Variants in AFG1L observed in about 807,000 individuals in gnomAD.
AFG1L encodes the protein AFG1-like ATPase.
Under a neutral mutation model 62.2 loss-of-function variants are expected in AFG1L, and 53 were observed. The observed-to-expected ratio is 0.85, with a 90% CI of 0.68 to 1.07. AFG1L has a LOEUF of 1.07. AFG1L is among the 50% of genes least tolerant of loss of function. AFG1L has a pLI of 0.00. For synonymous variants in AFG1L, 228 were observed against 210.3 expected, an observed-to-expected ratio of 1.08 and a Z score of -0.73; for missense variants, 555 against 590.5, an observed-to-expected ratio of 0.94 and a Z score of 0.62.
intron 6 of AFG1L, among the ~76,000 whole-genome samples, chr6:108,387,099 A>C (rs1417852461): frequency 6.6e-6 from 1 of 152,246 alleles, no homozygotes; most frequent in Non-Finnish European, 1.5e-5. Flanking sequence ...TTAAAAATAA[A>C]GACACAGATA....
intron 3 of AFG1L, among the ~76,000 whole-genome samples, chr6:108,349,798 T>A (rs561578183): frequency 2.0e-4 from 30 of 152,074 alleles, no homozygotes; most frequent in African/African-American, 6.8e-4. Context: ...GTGCCTGTGG[T>A]TCCAGCTACT....
Position 108,476,927 on chromosome 6 carries a change from A to G in AFG1L, c.953A>G (p.Gln318Arg), listed in dbSNP as rs1487724484. 9 of 1,613,332 alleles carry G rather than the reference A, an allele frequency of 5.6e-6. No individual in the cohort carries two copies. Among genetic ancestry groups the G allele is most frequent in the Non-Finnish European group, 8.5e-7 (1 of 1,179,382 alleles). Reference protein sequence around the residue: ...DKLFDELAQKQNDLTRPRILK... With the variant: ...DKLFDELAQKRNDLTRPRILK... ...TTGTTTGATGAGCTGGCTCAGAAAC[A>G]AAATGATTGTACGTAAGTTAATTTC... Residue 318 changes from glutamine (Q) to arginine (R), a missense_variant, in exon 9 of 13, where the codon CAA becomes CGA. By Grantham distance (43) the Gln-to-Arg change is conservative (BLOSUM62 1). Transcript: ENST00000368977.
At chr6:108,378,886 TC>T (rs1418876130) in intron 6 of AFG1L, among the ~76,000 whole-genome samples, 1 of 151,844 alleles carries the variant, frequency 6.6e-6, no homozygotes, top group Non-Finnish European at 1.5e-5. Context: ...TTCTTTCCTT[TC>T]CCTTTTCCCT....
At chr6:108,323,520 C>G (rs1377967842) in intron 1 of AFG1L, among the ~76,000 whole-genome samples, 1 of 152,052 alleles carries the variant, frequency 6.6e-6, no homozygotes, top group Non-Finnish European at 1.5e-5. Context: ...CACCACCATG[C>G]CCAGCTAATT....
chr6:108,522,096 A>G, intron 12 of AFG1L: 1 of 363,240 alleles, frequency 2.8e-6, no homozygotes, highest in Non-Finnish European at 5.0e-6. Flanking sequence ...TCTCTCTGAT[A>G]ATTTGATGTG....
At chr6:108,498,056 G>T (rs781392335) in intron 10 of AFG1L, among the ~76,000 whole-genome samples, 13 of 152,310 alleles carry the variant, frequency 8.5e-5, no homozygotes, top group Middle Eastern at 3.4e-3. Context: ...GCTGTATGCA[G>T]CCTAGGATGC....
At chr6:108,417,424 T>G (rs893482698) in intron 7 of AFG1L, among the ~76,000 whole-genome samples, 10 of 151,966 alleles carry the variant, frequency 6.6e-5, no homozygotes, top group Admixed American at 2.0e-4. Flanking sequence ...AAAAGACAAT[T>G]AAGTTACCAA....
intron 8 of AFG1L, among the ~76,000 whole-genome samples, chr6:108,468,311 A>G (rs1444140645): frequency 6.6e-6 from 1 of 152,206 alleles, no homozygotes; most frequent in East Asian, 1.9e-4. Context: ...TATTTGTTTT[A>G]CTTGATTAAT....
At chr6:108,304,568 T>C (rs1168890096) in intron 1 of AFG1L, among the ~76,000 whole-genome samples, 1 of 152,246 alleles carries the variant, frequency 6.6e-6, no homozygotes, top group African/African-American at 2.4e-5. Flanking sequence ...TTAATAAATA[T>C]GCATTAAAAA....
intron 2 of AFG1L, among the ~76,000 whole-genome samples, chr6:108,338,075 A>G (rs1778537380): frequency 1.3e-5 from 2 of 152,214 alleles, no homozygotes; most frequent in South Asian, 4.1e-4. Context: ...GGTCCCAGTT[A>G]CTTGGGAGGC....
At chr6:108,516,688 A>G (rs1774908569) in intron 11 of AFG1L, among the ~76,000 whole-genome samples, 1 of 152,190 alleles carries the variant, frequency 6.6e-6, no homozygotes, top group African/African-American at 2.4e-5. Flanking sequence ...AGGGTATTCA[A>G]TTCGGAAAAG....
At chr6:108,325,559 C>T (rs901797257) in intron 2 of AFG1L, among the ~76,000 whole-genome samples, 40 of 151,882 alleles carry the variant, frequency 2.6e-4, no homozygotes, top group African/African-American at 9.7e-4. Context: ...GATCTTGGCT[C>T]ACTGCAACCT....
At chr6:108,485,654 A>ATT (rs1562189934) in intron 10 of AFG1L, among the ~76,000 whole-genome samples, 17 of 23,050 alleles carry the variant, frequency 7.4e-4, no homozygotes, top group African/African-American at 4.4e-3. Context: ...ATATATATAT[A>ATT]TATTTTTTTT....
chr6:108,349,320 C>CA (rs1459709269), intron 3 of AFG1L, among the ~76,000 whole-genome samples: 2 of 151,708 alleles, frequency 1.3e-5, no homozygotes, highest in Admixed American at 6.6e-5. Flanking sequence ...CCTGTCTCCA[C>CA]AAAAAATACA....
intron 8 of AFG1L, among the ~76,000 whole-genome samples, chr6:108,471,468 CTTTTTTTTT>C (rs56375345): frequency 1.0e-5 from 1 of 100,352 alleles, no homozygotes; most frequent in African/African-American, 3.7e-5. Flanking sequence ...TGTTCTTCTT[CTTTTTTTTT>C]TTTTTTTTTT....
At chr6:108,349,882 A>G (rs547211606) in intron 3 of AFG1L, among the ~76,000 whole-genome samples, 1 of 152,132 alleles carries the variant, frequency 6.6e-6, no homozygotes, top group East Asian at 1.9e-4. Context: ...GCACCACTGC[A>G]CTCCAGCCTG....
chr6:108,316,975 T>A (rs952323913), intron 1 of AFG1L, among the ~76,000 whole-genome samples: 3 of 152,228 alleles, frequency 2.0e-5, no homozygotes, highest in African/African-American at 4.8e-5. Context: ...TATACAATTT[T>A]CTTTTAATTT....
chr6:108,413,961 A>G (rs532835543), intron 7 of AFG1L, among the ~76,000 whole-genome samples: 149 of 152,156 alleles, frequency 9.8e-4, no homozygotes, highest in African/African-American at 3.6e-3. Context: ...AAAACCCTTC[A>G]AAAAAATCAA....
chr6:108,313,185 G>A (rs977851681), intron 1 of AFG1L, among the ~76,000 whole-genome samples: 1 of 152,098 alleles, frequency 6.6e-6, no homozygotes, highest in Non-Finnish European at 1.5e-5. Flanking sequence ...GAATCTGGAG[G>A]TTATTATTCC....
Sources: gnomAD v4.1 joint callset for allele counts (sites outside exome capture counted in the v4.1 genomes callset) on GRCh38, gnomAD v4.1.1 for gene constraint, MANE v1.5 for transcripts, NCBI Gene and HGNC (gene_info 2026-07-23, HGNC 2026-07-21) for gene names.